HEPH: variants seen among roughly 807,000 people sequenced by gnomAD.
The protein encoded by HEPH is hephaestin.
Under a neutral mutation model 80.8 loss-of-function variants are expected in HEPH, and 69 were observed. The ratio of observed to expected loss-of-function variants is 0.85; its 90% CI spans 0.70 to 1.04. The LOEUF (loss-of-function observed/expected upper bound fraction) is 1.04. Among genes scored for constraint, HEPH ranks in the 50% least tolerant of loss-of-function variants. The pLI, the probability that HEPH is intolerant of heterozygous loss-of-function variation, is 0.00. For missense variants in HEPH, 1,115 were observed against 891.3 expected (o/e 1.25, Z -3.20); for synonymous variants, 431 against 322.8 (o/e 1.34, Z -3.60).
chrX:66,215,678 A>G (rs2147897827), intron 15 of HEPH, among the ~76,000 whole-genome samples: 1 of 111,592 alleles, frequency 9.0e-6, no homozygotes, highest in South Asian at 3.9e-4. Context: ...GCATGTGAAG[A>G]TCCATATCAT....
chrX:66,207,360 G>A, intron 14 of HEPH, 26 bp downstream of exon 14: 1 of 1,124,046 alleles, frequency 8.9e-7, no homozygotes, highest in Non-Finnish European at 1.2e-6. Context: ...TTCCCTCCTA[G>A]TGTTTAGCAG....
At chrX:66,263,999 C>T (rs1398533633) in intron 20 of HEPH, among the ~76,000 whole-genome samples, 2 of 110,298 alleles carry the variant, frequency 1.8e-5, no homozygotes, top group African/African-American at 3.3e-5. Context: ...AGATACTAGT[C>T]GAAAACCAAA....
intron 3 of HEPH, 39 bp from the exon 4 acceptor site, chrX:66,173,550 A>T (rs1438779516): frequency 9.6e-7 from 1 of 1,041,436 alleles, no homozygotes; most frequent in Non-Finnish European, 1.3e-6. Flanking sequence ...ACGGTCCCTC[A>T]CTTATTCTGG....
chrX:66,186,925 T>C (rs947943524), intron 4 of HEPH, among the ~76,000 whole-genome samples: 4 of 111,405 alleles, frequency 3.6e-5, no homozygotes, highest in Non-Finnish European at 7.5e-5. Flanking sequence ...CATTTTTTCT[T>C]ATTCTTTTTT....
chrX:66,224,843 T>TTC (rs1183063121), intron 15 of HEPH, among the ~76,000 whole-genome samples: 2 of 110,081 alleles, frequency 1.8e-5, no homozygotes, highest in Non-Finnish European at 3.8e-5. Context: ...CTCTCTTTCT[T>TTC]TCTCTCTCTC....
intron 15 of HEPH, among the ~76,000 whole-genome samples, chrX:66,211,911 A>G (rs990716966): frequency 3.6e-5 from 4 of 111,661 alleles, no homozygotes; most frequent in Non-Finnish European, 7.6e-5. Context: ...AAATTTTCAT[A>G]CCATGTTTTA....
intron 20 of HEPH, among the ~76,000 whole-genome samples, chrX:66,265,541 C>A (rs2091508874): frequency 1.8e-5 from 2 of 110,869 alleles, no homozygotes; most frequent in African/African-American, 6.6e-5. Flanking sequence ...TCTCTTGGCC[C>A]AAGGTCACAC....
chrX:66,188,289 G>T lies in HEPH; in HGVS notation c.626-70G>T, dbSNP rs763006868. ...CCCTCTCTTTCTATTCCTTTCTTAT[G>T]AGTACCCCTTTCAGCTTACTATTGC... On this transcript the variant is annotated intron_variant, in intron 4 of 20. Coordinates refer to ENST00000343002, the MANE Select transcript of HEPH (RefSeq NM_001367233.3). The T allele has an allele frequency of 7.6e-5, 61 of 797,752 alleles. No homozygotes were observed. In the South Asian group the frequency reaches 1.7e-3, roughly 22 times the overall value. 65.7% of individuals were successfully genotyped at this position (797,752 alleles called of 1,213,427 possible).
At chrX:66,240,408 A>G (rs1377767980) in intron 15 of HEPH, among the ~76,000 whole-genome samples, 1 of 110,960 alleles carries the variant, frequency 9.0e-6, no homozygotes, top group Non-Finnish European at 1.9e-5. Flanking sequence ...AGGAAAAGAA[A>G]TATGTGACAG....
chrX:66,190,991 C>T (rs2087759112), intron 6 of HEPH, among the ~76,000 whole-genome samples: 2 of 111,949 alleles, frequency 1.8e-5, no homozygotes, highest in Non-Finnish European at 3.8e-5. Flanking sequence ...CATTTCACTT[C>T]TCTGAGCCTC....
chrX:66,248,673 A>C (rs2090901220), intron 15 of HEPH, among the ~76,000 whole-genome samples: 2 of 112,423 alleles, frequency 1.8e-5, no homozygotes, highest in South Asian at 7.2e-4. Context: ...AAATTCATGC[A>C]GGTTTTTCTG....
intron 12 of HEPH, among the ~76,000 whole-genome samples, chrX:66,202,938 T>TATATATATATATAC (rs1419712201): frequency 2.1e-5 from 2 of 96,791 alleles, no homozygotes; most frequent in African/African-American, 7.7e-5. Flanking sequence ...TATATATATA[T>TATATATATATATAC]ACACACACAC....
intron 1 of HEPH, among the ~76,000 whole-genome samples, chrX:66,168,456 G>A (rs1015876030): frequency 1.2e-4 from 13 of 111,522 alleles, no homozygotes; most frequent in Non-Finnish European, 1.1e-4. Context: ...GTTCTGAGTG[G>A]TTAAGTAATC....
intron 15 of HEPH, among the ~76,000 whole-genome samples, chrX:66,225,648 G>A (rs185796277): frequency 1.8e-5 from 2 of 112,313 alleles, no homozygotes; most frequent in Non-Finnish European, 3.8e-5. Flanking sequence ...CTCCACAGGG[G>A]CCTGCCATGC....
chrX:66,199,403 G>C (rs1024569234), intron 11 of HEPH, among the ~76,000 whole-genome samples: 1 of 104,429 alleles, frequency 9.6e-6, no homozygotes, highest in Admixed American at 1.0e-4. Flanking sequence ...ATTTTTCTTT[G>C]TGAACATGCT....
At chrX:66,229,902 T>A (rs2090051642) in intron 15 of HEPH, among the ~76,000 whole-genome samples, 1 of 104,962 alleles carries the variant, frequency 9.5e-6, no homozygotes, top group African/African-American at 3.5e-5. Context: ...ATTAGGTATA[T>A]CTCCCAATGC....
chrX:66,176,382 A>G (rs2086802783), intron 4 of HEPH, among the ~76,000 whole-genome samples: 1 of 111,882 alleles, frequency 8.9e-6, no homozygotes, highest in Non-Finnish European at 1.9e-5. Flanking sequence ...TATGAAACCC[A>G]CTTGATCACA....
chrX:66,224,100 T>G (rs2089775107), intron 15 of HEPH, among the ~76,000 whole-genome samples: 1 of 102,834 alleles, frequency 9.7e-6, no homozygotes, highest in Non-Finnish European at 1.9e-5. Flanking sequence ...TTTTTTTTTT[T>G]GAAGATGATA....
At chrX:66,211,901 A>G (rs1201854037) in intron 15 of HEPH, among the ~76,000 whole-genome samples, 1 of 111,511 alleles carries the variant, frequency 9.0e-6, no homozygotes. Flanking sequence ...GTTTTTTTAG[A>G]AATTTTCATA....
Sources: allele counts gnomAD v4.1 joint callset (sites outside exome capture counted in the v4.1 genomes callset), GRCh38; gene constraint gnomAD v4.1.1; transcripts MANE v1.5; gene names NCBI Gene and HGNC (gene_info 2026-07-23, HGNC 2026-07-21).